The following GSG1L variants were observed in gnomAD, a reference collection of about 807,000 sequenced individuals.
GSG1L encodes the protein GSG1 like, also known as germ cell-specific gene 1-like protein.
GSG1L carries 24 observed loss-of-function variants against 42.1 expected under a neutral mutation model. The ratio of observed to expected loss-of-function variants is 0.57; its 90% confidence interval spans 0.41 to 0.80. The LOEUF is 0.80. GSG1L is among the 30% of genes least tolerant of loss of function. The pLI, the probability that GSG1L is intolerant of heterozygous loss-of-function variation, is 0.00. For missense variants in GSG1L, 445 were observed against 472.2 expected (o/e 0.94, Z 0.53); for synonymous variants, 215 against 203.5 (o/e 1.06, Z -0.48).
intron 3 of GSG1L, among the ~76,000 whole-genome samples, chr16:27,853,482 G>A (rs965027402): frequency 1.3e-5 from 2 of 152,172 alleles, no homozygotes; most frequent in Non-Finnish European, 2.9e-5. Context: ...CTGAGGACAC[G>A]GGGAGGGGGG....
At chr16:27,917,695 T>C (rs79146636) in intron 2 of GSG1L, among the ~76,000 whole-genome samples, 3,602 of 152,316 alleles carry the variant, frequency 0.024, 152 homozygotes, top group African/African-American at 0.082. Flanking sequence ...CCATCTTTTC[T>C]TTAGCCTGCT....
chr16:28,019,365 G>T (rs1035117661), intron 1 of GSG1L, among the ~76,000 whole-genome samples: 1 of 152,240 alleles, frequency 6.6e-6, no homozygotes, highest in Non-Finnish European at 1.5e-5. Flanking sequence ...TCCCACCAGC[G>T]CCATGACGGT....
chr16:27,989,060 A>G (rs530764396), intron 1 of GSG1L, among the ~76,000 whole-genome samples: 6 of 151,756 alleles, frequency 4.0e-5, no homozygotes, highest in Non-Finnish European at 7.4e-5. Flanking sequence ...CTCAAAAAAA[A>G]AAAAAAAGAA....
intron 2 of GSG1L, among the ~76,000 whole-genome samples, chr16:27,909,601 A>G (rs1596605372): frequency 6.9e-6 from 1 of 145,528 alleles, no homozygotes; most frequent in Non-Finnish European, 1.5e-5. Flanking sequence ...GAAGGAACTA[A>G]CCAAACACCT....
intron 2 of GSG1L, among the ~76,000 whole-genome samples, chr16:27,910,741 T>C (rs2084377483): frequency 6.6e-6 from 1 of 152,156 alleles, no homozygotes; most frequent in Admixed American, 6.5e-5. Context: ...AGGCTGGGTG[T>C]GGTGGCTCTC....
chr16:28,009,555 C>T (rs781294884), intron 1 of GSG1L, among the ~76,000 whole-genome samples: 24 of 152,326 alleles, frequency 1.6e-4, no homozygotes, highest in African/African-American at 5.1e-4. Flanking sequence ...GCACAGGGCG[C>T]GGGCTCATTA....
intron 2 of GSG1L, among the ~76,000 whole-genome samples, chr16:27,943,890 T>C (rs1318567280): frequency 1.3e-5 from 2 of 152,016 alleles, no homozygotes; most frequent in Non-Finnish European, 2.9e-5. Context: ...ATATTTTCTA[T>C]AAAGGGACAG....
rs142434785 is a variant in GSG1L, at chr16:27,881,160, A to G, written c.550+3326T>C. ...ATACAGCTAGCAATATATTCAAACAAATTGTTGTATAGGAATTTATGTGCC... is the reference window on the plus strand; with the variant it reads ...ATACAGCTAGCAATATATTCAAACAGATTGTTGTATAGGAATTTATGTGCC... On this transcript the variant is annotated intron_variant, in intron 3 of 6. Coordinates refer to ENST00000447459, the MANE Select transcript of GSG1L (RefSeq NM_001109763.2). Among the ~76,000 whole-genome samples the G allele has an allele frequency of 3.6e-3, 555 of 152,142 alleles. 14 individuals are homozygous for G. Among genetic ancestry groups the G allele is most frequent in the Admixed American group, 0.034 (521 of 15,258 alleles).
In GSG1L at chr16:27,884,476, C is replaced by T. The variant is rs746521844; in HGVS notation, c.550+10G>A. The T allele has an allele frequency of 6.2e-7, 1 of 1,611,918 alleles. No homozygotes were observed. The highest frequency in any genetic ancestry group is 1.7e-5 in the Admixed American group (1 of 59,900). ...TGCTCTGAGAGGCCACAGGACCAGCCATGCCTTACCTGAGAGCACCGTGAA... is the reference window on the plus strand; with the variant it reads ...TGCTCTGAGAGGCCACAGGACCAGCTATGCCTTACCTGAGAGCACCGTGAA... On this transcript the variant is annotated intron_variant, in intron 3 of 6. Transcript: ENST00000447459. This position sits in a 1 kb window ranked among gnomAD's most constrained non-coding sequence, Gnocchi z 4.4.
At chr16:27,958,335 G>T (rs1472429125) in intron 2 of GSG1L, among the ~76,000 whole-genome samples, 2 of 151,120 alleles carry the variant, frequency 1.3e-5, no homozygotes, top group East Asian at 2.0e-4. Context: ...AACCTGGGAG[G>T]TGGAGGTTGC....
intron 3 of GSG1L, among the ~76,000 whole-genome samples, chr16:27,865,574 C>CATATATAT (rs1460582362): frequency 1.8e-4 from 2 of 10,842 alleles, no homozygotes; most frequent in Admixed American, 1.0e-3. Context: ...TATATATATA[C>CATATATAT]ACACACACAT....
intron 2 of GSG1L, among the ~76,000 whole-genome samples, chr16:27,931,437 G>A (rs538657512): frequency 3.3e-5 from 5 of 152,274 alleles, no homozygotes; most frequent in Admixed American, 3.3e-4. Flanking sequence ...TTGTTTCTAG[G>A]AGCAAAAACT....
chr16:27,882,576 C>T (rs953238921), intron 3 of GSG1L, among the ~76,000 whole-genome samples: 2 of 152,212 alleles, frequency 1.3e-5, no homozygotes, highest in Non-Finnish European at 2.9e-5. Context: ...GCCGCATCAT[C>T]AGGCCTTTGC....
chr16:28,012,043 C>T (rs2085725884), intron 1 of GSG1L, among the ~76,000 whole-genome samples: 1 of 152,054 alleles, frequency 6.6e-6, no homozygotes, highest in African/African-American at 2.4e-5. Flanking sequence ...TTCCCCTCAG[C>T]TCAACTAAGT....
chr16:27,894,306 C>T (rs929658380), intron 2 of GSG1L, among the ~76,000 whole-genome samples: 1 of 152,154 alleles, frequency 6.6e-6, no homozygotes, highest in African/African-American at 2.4e-5. Flanking sequence ...TAGCTGTTAC[C>T]GTTGTTGTTA....
intron 2 of GSG1L, among the ~76,000 whole-genome samples, chr16:27,900,836 C>A (rs1028691560): frequency 2.0e-4 from 28 of 138,978 alleles, no homozygotes; most frequent in African/African-American, 6.8e-4. Flanking sequence ...AAAAAAAAAA[C>A]AGATACATAG....
intron 4 of GSG1L, among the ~76,000 whole-genome samples, chr16:27,830,788 CTT>C (rs1173788966): frequency 2.0e-5 from 3 of 152,214 alleles, no homozygotes; most frequent in African/African-American, 7.2e-5. Context: ...TGGGATGTCT[CTT>C]TATACTAGCA....
intron 1 of GSG1L, among the ~76,000 whole-genome samples, chr16:28,048,055 CAAAAA>C (rs57485332): frequency 1.3e-5 from 1 of 77,658 alleles, no homozygotes; most frequent in African/African-American, 4.1e-5. Context: ...CTCATCTTTA[CAAAAA>C]AAAAAAAAAA....
chr16:27,963,387 A>G (rs2085093096), intron 1 of GSG1L, among the ~76,000 whole-genome samples, 184 bp from the exon 2 acceptor site: 1 of 151,782 alleles, frequency 6.6e-6, no homozygotes, highest in African/African-American at 2.4e-5. Flanking sequence ...GAAACTGCCA[A>G]TTCTCCCACC....
Sources: allele counts gnomAD v4.1 joint callset (sites outside exome capture counted in the v4.1 genomes callset), GRCh38; gene constraint gnomAD v4.1.1; non-coding constraint Gnocchi (gnomAD v3.1); transcripts MANE v1.5; gene names NCBI Gene and HGNC (gene_info 2026-07-23, HGNC 2026-07-21).